The following EPS15 variants were observed in gnomAD, a reference collection of about 807,000 sequenced individuals.
EPS15 encodes the protein epidermal growth factor receptor pathway substrate 15.
EPS15 carries 72 observed loss-of-function variants against 113.8 expected under a neutral mutation model. The observed-to-expected ratio is 0.63, with a 90% CI of 0.52 to 0.77. EPS15 has a LOEUF of 0.77. Ranked by LOEUF, EPS15 falls within the 30% of genes least tolerant of loss-of-function variation. EPS15 has a pLI of 0.00. For missense variants in EPS15, 1,048 were observed against 1,045.8 expected, an observed-to-expected ratio of 1.00 and a Z score of -0.03; for synonymous variants, 344 against 363.4, an observed-to-expected ratio of 0.95 and a Z score of 0.61.
intron 11 of EPS15, among the ~76,000 whole-genome samples, chr1:51,443,613 A>C (rs1652770543): frequency 6.8e-6 from 1 of 146,796 alleles, no homozygotes; most frequent in Non-Finnish European, 1.5e-5. Context: ...AATTCCATTT[A>C]GCTTACCAAA....
intron 1 of EPS15, chr1:51,518,216 C>T (rs1023181937): frequency 3.3e-5 from 5 of 152,364 alleles, no homozygotes; most frequent in African/African-American, 1.2e-4. Context: ...TAATTGGCTT[C>T]TTTACAGAGA....
Position 51,355,399 on chromosome 1 carries a change from T to G in EPS15, c.*1301A>C, listed in dbSNP as rs1039993302. The stretch of plus-strand genomic sequence containing the variant: ...AATACATCATCTAAGTCAGTAACCG[T>G]GTTAAACAAAATTAAAATGACAAGT... On this transcript the variant is annotated 3_prime_UTR_variant, in exon 25 of 25. Transcript: ENST00000371733. The G allele has an allele frequency of 3.4e-5, 7 of 204,556 alleles. No individual in the cohort carries two copies. The highest frequency in any genetic ancestry group is 1.6e-4 in the African/African-American group (7 of 43,724). 12.7% of individuals were successfully genotyped at this position (204,556 alleles called of 1,614,324 possible).
At chr1:51,491,574 A>G (rs1321850950) in intron 1 of EPS15, among the ~76,000 whole-genome samples, 3 of 152,236 alleles carry the variant, frequency 2.0e-5, no homozygotes, top group Non-Finnish European at 2.9e-5. Context: ...AATAGTAAGG[A>G]GCAATAGTGA....
At chr1:51,413,874 A>C (rs185247063) in intron 13 of EPS15, among the ~76,000 whole-genome samples, 2 of 152,174 alleles carry the variant, frequency 1.3e-5, no homozygotes, top group Non-Finnish European at 2.9e-5. Context: ...TCAGCCTCCC[A>C]AGTAGCTGAG....
intron 8 of EPS15, among the ~76,000 whole-genome samples, chr1:51,456,756 TACAC>T (rs1290126903): frequency 6.6e-6 from 1 of 152,230 alleles, no homozygotes; most frequent in African/African-American, 2.4e-5. Context: ...CAGCTGTAGT[TACAC>T]AGGCTATCTT....
At chr1:51,384,061 T>G (rs1647001273) in intron 21 of EPS15, among the ~76,000 whole-genome samples, 1 of 152,172 alleles carries the variant, frequency 6.6e-6, no homozygotes, top group South Asian at 2.1e-4. Flanking sequence ...TACAATACAT[T>G]CTGAAAGAAA....
chr1:51,505,352 A>T (rs1399029659), intron 1 of EPS15, among the ~76,000 whole-genome samples: 1 of 152,244 alleles, frequency 6.6e-6, no homozygotes, highest in South Asian at 2.1e-4. Context: ...TTCAACCAAA[A>T]AAAGGAATGA....
intron 10 of EPS15, among the ~76,000 whole-genome samples, chr1:51,445,713 G>A (rs1652988405): frequency 6.6e-6 from 1 of 151,412 alleles, no homozygotes; most frequent in African/African-American, 2.4e-5. Flanking sequence ...AGGGCCTGAT[G>A]AAAAGACTAC....
chr1:51,473,036 G>A (rs1655355760), intron 2 of EPS15, 88 bp from the exon 3 acceptor site: 2 of 1,004,586 alleles, frequency 2.0e-6, no homozygotes, highest in Non-Finnish European at 3.1e-6. Context: ...TGTGATTTGG[G>A]ACCTGGCTTT....
intron 12 of EPS15, chr1:51,423,718 G>A: frequency 1.0e-6 from 1 of 985,434 alleles, no homozygotes. Flanking sequence ...GATCAAGTGT[G>A]CATGCAGGAA....
chr1:51,398,911 T>A lies in EPS15; in HGVS notation c.2052+121A>T, dbSNP rs1648232596. ...AAATGAATTGGGATGAGACTGAAAT[T>A]CTTATATGGTCCATTAGAAGTAATC... On this transcript the variant is annotated intron_variant, in intron 20 of 24. Coordinates refer to ENST00000371733, the MANE Select transcript of EPS15 (RefSeq NM_001981.3). 7.0e-6 allele frequency: 6 copies of A among 852,252 alleles called. No homozygotes were observed. In the East Asian group the frequency reaches 1.6e-4, roughly 22 times the overall value. The allele number at this position is 852,252 out of a possible 1,614,324, so 52.8% of individuals were successfully genotyped here. A position where few individuals can be genotyped will look rare whatever the true frequency, so the allele number is the denominator to read the frequency against.
chr1:51,511,069 G>A (rs1287739887), intron 1 of EPS15, among the ~76,000 whole-genome samples: 2 of 152,090 alleles, frequency 1.3e-5, no homozygotes, highest in Non-Finnish European at 2.9e-5. Context: ...GGGAGGCTGA[G>A]GCAGGAGAAT....
chr1:51,370,449 T>C lies in EPS15; in HGVS notation c.2120-4420A>G, dbSNP rs143949319. Among the ~76,000 whole-genome samples, 135 of 152,312 alleles carry C rather than the reference T, an allele frequency of 8.9e-4. 1 individual carries two copies. Among genetic ancestry groups the C allele is most frequent in the African/African-American group, 3.2e-3 (131 of 41,572 alleles). Reference sequence around the variant, plus strand: ...CAAAAATGCTCCAATAAGCATTTCCTTGGAGCATCATATCAGTGCTCAAAA... The same window carrying C: ...CAAAAATGCTCCAATAAGCATTTCCCTGGAGCATCATATCAGTGCTCAAAA... On this transcript the variant is annotated intron_variant, in intron 21 of 24. Coordinates refer to ENST00000371733, the MANE Select transcript of EPS15 (RefSeq NM_001981.3).
At chr1:51,454,049 CAA>C (rs376428827) in intron 8 of EPS15, among the ~76,000 whole-genome samples, 5,397 of 88,056 alleles carry the variant, frequency 0.061, 113 homozygotes, top group African/African-American at 0.11. Context: ...GACTTTGTTT[CAA>C]AAAAAAAAAA....
chr1:51,360,139 A>C (rs1242371258), intron 24 of EPS15, among the ~76,000 whole-genome samples: 2 of 152,202 alleles, frequency 1.3e-5, no homozygotes, highest in African/African-American at 2.4e-5. Context: ...CTGCAGGAAT[A>C]AAGCAATTGG....
chr1:51,374,189 AG>A (rs1264770906), intron 21 of EPS15, among the ~76,000 whole-genome samples: 1 of 152,208 alleles, frequency 6.6e-6, no homozygotes, highest in Non-Finnish European at 1.5e-5. Context: ...GATGTTATAA[AG>A]ATTTAATTAA....
At chr1:51,388,555 A>T (rs1194894723) in intron 21 of EPS15, among the ~76,000 whole-genome samples, 1 of 152,220 alleles carries the variant, frequency 6.6e-6, no homozygotes, top group Non-Finnish European at 1.5e-5. Flanking sequence ...GATCAACGAA[A>T]TTGATAGACC....
At chr1:51,496,686 CAGTATAA>C (rs1386951297) in intron 1 of EPS15, among the ~76,000 whole-genome samples, 1 of 152,148 alleles carries the variant, frequency 6.6e-6, no homozygotes, top group Non-Finnish European at 1.5e-5. Flanking sequence ...CTGATCTCTT[CAGTATAA>C]AGAAATATTT....
chr1:51,516,395 T>C (rs749683155), intron 1 of EPS15, among the ~76,000 whole-genome samples: 2 of 152,210 alleles, frequency 1.3e-5, no homozygotes, highest in African/African-American at 2.4e-5. Context: ...CAGCAAATGT[T>C]TGTTGAGTCT....
Sources: gnomAD v4.1 joint callset for allele counts (sites outside exome capture counted in the v4.1 genomes callset) on GRCh38, gnomAD v4.1.1 for gene constraint, MANE v1.5 for transcripts, NCBI Gene and HGNC (gene_info 2026-07-23, HGNC 2026-07-21) for gene names.